ZBTB20: variants seen among roughly 807,000 people sequenced by gnomAD.
The protein encoded by ZBTB20 is zinc finger and BTB domain containing 20.
In ZBTB20, 9 loss-of-function variants were observed where a neutral mutation model predicts 56.9. The observed-to-expected ratio is 0.16, with a 90% CI of 0.10 to 0.28. ZBTB20 has a LOEUF of 0.28. Ranked by LOEUF, ZBTB20 falls within the 10% of genes least tolerant of loss-of-function variation. The pLI is 1.00. For synonymous variants in ZBTB20, 417 were observed against 420.7 expected (o/e 0.99, Z 0.11); for missense variants, 655 against 1,003.0 (o/e 0.65, Z 4.69).
chr3:114,831,087 C>CTTTTTTTTTTTTTTTTT (rs57265260), intron 4 of ZBTB20, among the ~76,000 whole-genome samples: 7 of 55,566 alleles, frequency 1.3e-4, no homozygotes, highest in South Asian at 1.5e-3. Flanking sequence ...TTTCTTTCTT[C>CTTTTTTTTTTTTTTTTT]TTTTTTTTTT....
Position 114,323,067 on chromosome 3 carries a change from T to C in ZBTB20, c.*15938A>G, listed in dbSNP as rs183859465. ...CTTCAGCATCTTTACTCTTGTGTTA[T>C]TATTTCCCACACAATCTATTGCTTA... On this transcript the variant is annotated 3_prime_UTR_variant, in exon 12 of 12. Transcript: ENST00000675478. 3 of 152,082 alleles carry C rather than the reference T, an allele frequency of 2.0e-5. No individual in the cohort carries two copies. Among genetic ancestry groups the C allele is most frequent in the Admixed American group, 2.0e-4 (3 of 15,274 alleles). 9.4% of individuals were successfully genotyped at this position (152,082 alleles called of 1,614,324 possible). A position where few individuals can be genotyped will look rare whatever the true frequency, so the allele number is the denominator to read the frequency against.
At chr3:114,567,732 C>T (rs1340206740) in intron 6 of ZBTB20, among the ~76,000 whole-genome samples, 3 of 152,168 alleles carry the variant, frequency 2.0e-5, no homozygotes, top group Non-Finnish European at 4.4e-5. Context: ...CGTATCCCTC[C>T]TGTGTTCACC....
intron 2 of ZBTB20, among the ~76,000 whole-genome samples, chr3:115,024,250 C>A (rs910771795): frequency 6.6e-6 from 1 of 150,908 alleles, no homozygotes; most frequent in African/African-American, 2.4e-5. Context: ...TTTACTGAAT[C>A]CTAACTATTT....
intron 5 of ZBTB20, among the ~76,000 whole-genome samples, chr3:114,795,670 T>A (rs2071294619): frequency 1.3e-5 from 2 of 152,098 alleles, no homozygotes; most frequent in African/African-American, 2.4e-5. Context: ...TATAAGAGAT[T>A]TCCCCCACTC....
At chr3:114,595,969 A>G (rs2056282395) in intron 6 of ZBTB20, among the ~76,000 whole-genome samples, 1 of 152,216 alleles carries the variant, frequency 6.6e-6, no homozygotes, top group African/African-American at 2.4e-5. Context: ...TCAATTTATA[A>G]ATGGGACATT....
At chr3:115,057,239 T>C (rs953399919) in intron 2 of ZBTB20, among the ~76,000 whole-genome samples, 1 of 152,114 alleles carries the variant, frequency 6.6e-6, no homozygotes, top group African/African-American at 2.4e-5. Flanking sequence ...TTCGTATTTC[T>C]TTTCTGTCCC....
rs1205435166 is a variant in ZBTB20, at chr3:114,753,432, T to TATATATATATATATATACAC, written c.-343+47668_-343+47669insGTGTATATATATATATATAT. Among the ~76,000 whole-genome samples, 6 of 43,532 alleles carry TATATATATATATATATACAC rather than the reference T, an allele frequency of 1.4e-4. 1 individual carries two copies. Among genetic ancestry groups the TATATATATATATATATACAC allele is most frequent in the African/African-American group, 3.9e-4 (5 of 12,952 alleles). 28.6% of individuals were successfully genotyped at this position (43,532 alleles called of 152,430 possible). ...ACACACGTATATATATATATATATATACACACACACTTTTTTTTTTGAGAC... is the reference window on the plus strand; with the variant it reads ...ACACACGTATATATATATATATATATATATATATATATATATACACACACACACACTTTTTTTTTTGAGAC... On this transcript the variant is annotated intron_variant, in intron 5 of 11. Coordinates refer to ENST00000675478, the MANE Select transcript of ZBTB20 (RefSeq NM_001348800.3).
intron 6 of ZBTB20, among the ~76,000 whole-genome samples, chr3:114,682,221 CA>C (rs2062017480): frequency 6.6e-6 from 1 of 151,800 alleles, no homozygotes; most frequent in African/African-American, 2.4e-5. Context: ...TTACCAAAAA[CA>C]AAAAGGGTAT....
chr3:114,380,200 C>G lies in ZBTB20; in HGVS notation c.199+17G>C. On this transcript the variant is annotated intron_variant, in intron 10 of 11. Coordinates refer to ENST00000675478, the MANE Select transcript of ZBTB20 (RefSeq NM_001348800.3). Reference sequence around the variant, plus strand: ...CCAAGCACTGCAAAGACACCATCACCTTAGTGGTGTACTCACAATCAGATG... The same window carrying G: ...CCAAGCACTGCAAAGACACCATCACGTTAGTGGTGTACTCACAATCAGATG... The G allele has an allele frequency of 6.5e-7, 1 of 1,531,856 alleles. No homozygotes were observed. Among genetic ancestry groups the G allele is most frequent in the African/African-American group, 1.4e-5 (1 of 73,038 alleles). 94.9% of individuals were successfully genotyped at this position (1,531,856 alleles called of 1,614,324 possible).
chr3:114,413,092 A>G (rs2088146711), intron 7 of ZBTB20, among the ~76,000 whole-genome samples: 1 of 152,148 alleles, frequency 6.6e-6, no homozygotes, highest in Non-Finnish European at 1.5e-5. Context: ...TACTTTCTGG[A>G]TGAAGTACTT....
chr3:114,807,342 A>T (rs973233030), intron 4 of ZBTB20, among the ~76,000 whole-genome samples: 1 of 151,900 alleles, frequency 6.6e-6, no homozygotes, highest in Non-Finnish European at 1.5e-5. Context: ...CCGGCAAATA[A>T]ATAGTTTTAC....
chr3:114,831,636 A>G (rs772665573), intron 4 of ZBTB20, among the ~76,000 whole-genome samples: 7 of 152,192 alleles, frequency 4.6e-5, no homozygotes, highest in Middle Eastern at 6.8e-3. Flanking sequence ...TATTGATGGT[A>G]TAGGAGTGAA....
chr3:114,408,420 T>A (rs1252698179), intron 7 of ZBTB20, among the ~76,000 whole-genome samples: 1 of 152,204 alleles, frequency 6.6e-6, no homozygotes, highest in East Asian at 1.9e-4. Flanking sequence ...ACATTGCTAA[T>A]GTTTAGGAAT....
At chr3:115,030,263 T>A (rs1173094740) in intron 2 of ZBTB20, among the ~76,000 whole-genome samples, 1 of 151,094 alleles carries the variant, frequency 6.6e-6, no homozygotes, top group African/African-American at 2.4e-5. Context: ...CTCCTATTCA[T>A]CTTTCAAGCA....
At position 114,967,973 on chromosome 3, in the gene ZBTB20, G is replaced by A. The variant is rs117785266; in HGVS notation, c.-456+6393C>T. 2.4e-4 allele frequency among the ~76,000 whole-genome samples: 36 copies of A among 151,060 alleles called. No individual in the cohort carries two copies. In the East Asian group the frequency reaches 7.0e-3, roughly 29 times the overall value. On this transcript the variant is annotated intron_variant, in intron 3 of 11. Transcript: ENST00000675478. ...CTCTGTCTCAAAAAAAAAAAAAAGA[G>A]TTGATCTCATCCTGATGCTAGAGTT...
chr3:114,765,329 T>G (rs79158674), intron 5 of ZBTB20, among the ~76,000 whole-genome samples: 5,221 of 152,156 alleles, frequency 0.034, 146 homozygotes, highest in African/African-American at 0.07. Flanking sequence ...AGTAAGGTGG[T>G]TCTCTACTCA....
chr3:114,760,101 C>T (rs1484581050), intron 5 of ZBTB20, among the ~76,000 whole-genome samples: 1 of 152,004 alleles, frequency 6.6e-6, no homozygotes, highest in East Asian at 1.9e-4. Context: ...AAACAATTTC[C>T]AAAGATTCAC....
chr3:114,846,475 T>A (rs1220886130), intron 4 of ZBTB20, among the ~76,000 whole-genome samples: 1 of 151,984 alleles, frequency 6.6e-6, no homozygotes, highest in Non-Finnish European at 1.5e-5. Context: ...ATCTGGGGAG[T>A]GTCCTGGTGA....
intron 3 of ZBTB20, among the ~76,000 whole-genome samples, chr3:114,965,198 ATGT>A (rs1415388652): frequency 1.3e-5 from 2 of 152,098 alleles, no homozygotes; most frequent in Non-Finnish European, 2.9e-5. Flanking sequence ...ATATATCATG[ATGT>A]TGTTTTTGTT....
Sources: allele counts gnomAD v4.1 joint callset (sites outside exome capture counted in the v4.1 genomes callset), GRCh38; gene constraint gnomAD v4.1.1; transcripts MANE v1.5; gene names NCBI Gene and HGNC (gene_info 2026-07-23, HGNC 2026-07-21).